Variants in FAM107A observed in about 807,000 individuals in gnomAD.
FAM107A encodes the protein family with sequence similarity 107 member A.
FAM107A carries 19 observed loss-of-function variants against 13.7 expected under a neutral mutation model. The ratio of observed to expected loss-of-function variants is 1.38; its 90% CI spans 0.97 to 2.03. FAM107A has a LOEUF of 2.03. Among genes scored for constraint, FAM107A ranks in the 30% most tolerant of loss-of-function variants. FAM107A has a pLI of 0.00. For synonymous variants in FAM107A, 82 were observed against 74.5 expected, an observed-to-expected ratio of 1.10 and a Z score of -0.52; for missense variants, 203 against 184.4, an observed-to-expected ratio of 1.10 and a Z score of -0.58.
exon 1 of FAM107A, chr3:58,587,071 G>C: frequency 2.9e-6 from 4 of 1,362,142 alleles, no homozygotes; most frequent in Non-Finnish European, 3.8e-6. Context: ...GTCAAGTTAC[G>C]GCGGCGGCCG....
intron 1 of FAM107A, among the ~76,000 whole-genome samples, chr3:58,622,302 G>A (rs2065963853): frequency 6.6e-6 from 1 of 152,142 alleles, no homozygotes; most frequent in African/African-American, 2.4e-5. Context: ...TTAGCTGGGC[G>A]TGGTGATGCA....
At chr3:58,575,123 C>A (rs1031091572) in intron 1 of FAM107A, among the ~76,000 whole-genome samples, 1 of 152,132 alleles carries the variant, frequency 6.6e-6, no homozygotes, top group Non-Finnish European at 1.5e-5. Flanking sequence ...TTTCTGTCTT[C>A]GATGGCATCA....
At chr3:58,605,690 A>G (rs2108073888) in intron 1 of FAM107A, among the ~76,000 whole-genome samples, 1 of 152,272 alleles carries the variant, frequency 6.6e-6, no homozygotes, top group Non-Finnish European at 1.5e-5. Flanking sequence ...GTCCTCTATC[A>G]TGGCTGGAAG....
chr3:58,567,012 G>A, intron 3 of FAM107A, 196 bp downstream of exon 3: 1 of 651,078 alleles, frequency 1.5e-6, no homozygotes, highest in African/African-American at 1.8e-5. Flanking sequence ...AGGAAGCTGA[G>A]GTTCAGGGAA....
intron 1 of FAM107A, among the ~76,000 whole-genome samples, chr3:58,571,384 T>C (rs1159940345): frequency 1.3e-5 from 2 of 152,230 alleles, no homozygotes; most frequent in East Asian, 3.8e-4. Flanking sequence ...ATAGACATGT[T>C]AATTTTTTTC....
upstream of FAM107A, among the ~76,000 whole-genome samples, chr3:58,580,464 G>A (rs967939241): frequency 1.5e-5 from 2 of 134,062 alleles, no homozygotes; most frequent in Non-Finnish European, 3.1e-5. Flanking sequence ...TACCTAGGCT[G>A]AATGCAGTGG....
intron 1 of FAM107A, among the ~76,000 whole-genome samples, chr3:58,601,199 A>G (rs1168916062): frequency 1.3e-5 from 2 of 152,230 alleles, no homozygotes; most frequent in Admixed American, 1.3e-4. Flanking sequence ...TTAAATTATT[A>G]TTCACAGTTA....
At chr3:58,585,152 C>T (rs569312770) in intron 1 of FAM107A, among the ~76,000 whole-genome samples, 12 of 152,286 alleles carry the variant, frequency 7.9e-5, no homozygotes, top group African/African-American at 2.6e-4. Context: ...GGAAACACTC[C>T]TACGTGTTTG....
intron 1 of FAM107A, among the ~76,000 whole-genome samples, chr3:58,608,466 T>C (rs1028020831): frequency 1.3e-5 from 2 of 152,160 alleles, no homozygotes; most frequent in South Asian, 4.1e-4. Context: ...TCCTTATCTA[T>C]GGAATAACAA....
upstream of FAM107A, among the ~76,000 whole-genome samples, chr3:58,588,916 C>T (rs893103934): frequency 4.6e-5 from 7 of 152,162 alleles, no homozygotes; most frequent in South Asian, 1.5e-3. Flanking sequence ...TCTCAAAGTG[C>T]TGGGATTACA....
chr3:58,585,143 G>A (rs911850758), intron 1 of FAM107A, among the ~76,000 whole-genome samples: 1 of 152,148 alleles, frequency 6.6e-6, no homozygotes, highest in Non-Finnish European at 1.5e-5. Context: ...GCAGCCCCTG[G>A]AAACACTCCT....
At chr3:58,571,295 C>T (rs1027663840) in intron 1 of FAM107A, among the ~76,000 whole-genome samples, 15 of 152,104 alleles carry the variant, frequency 9.9e-5, no homozygotes, top group African/African-American at 2.2e-4. Flanking sequence ...AGACCACATA[C>T]GTAAAGGTGC....
upstream of FAM107A, among the ~76,000 whole-genome samples, chr3:58,589,678 T>C (rs1380055540): frequency 1.3e-5 from 2 of 152,178 alleles, no homozygotes; most frequent in African/African-American, 2.4e-5. Context: ...TATTGATGCA[T>C]TATTACTAAC....
chr3:58,624,423 A>G (rs1011186412), intron 1 of FAM107A, among the ~76,000 whole-genome samples: 2 of 152,180 alleles, frequency 1.3e-5, no homozygotes, highest in Non-Finnish European at 2.9e-5. Flanking sequence ...CTCCTGGCCC[A>G]GTGGTCTATC....
At chr3:58,587,438 A>G (rs1293929286), upstream of FAM107A, among the ~76,000 whole-genome samples, 3 of 151,332 alleles carry the variant, frequency 2.0e-5, no homozygotes, top group Non-Finnish European at 4.4e-5. Context: ...TAACCAGAGT[A>G]CTTTCCTCAC....
At chr3:58,626,854 G>A in intron 1 of FAM107A, 1 of 951,818 alleles carries the variant, frequency 1.1e-6, no homozygotes, top group East Asian at 2.6e-5. Context: ...TCCAGGGGGA[G>A]GGCTGGTGGG....
At chr3:58,567,678 G>T (rs1017295618) in intron 2 of FAM107A, among the ~76,000 whole-genome samples, 2 of 152,188 alleles carry the variant, frequency 1.3e-5, no homozygotes, top group Non-Finnish European at 2.9e-5. Flanking sequence ...AGGTAGAATT[G>T]CTGGGTCAGG....
intron 1 of FAM107A, among the ~76,000 whole-genome samples, chr3:58,614,501 T>C (rs1559486939): frequency 6.9e-6 from 1 of 144,884 alleles, no homozygotes; most frequent in Non-Finnish European, 1.5e-5. Context: ...TATCTTTCTT[T>C]CTTTCTTTTT....
upstream of FAM107A, among the ~76,000 whole-genome samples, chr3:58,577,939 C>T (rs75155038): frequency 0.011 from 1,715 of 152,284 alleles, 28 homozygotes; most frequent in African/African-American, 0.038. This position sits in a 1 kb window ranked among gnomAD's most constrained non-coding sequence, Gnocchi z 4.9. Flanking sequence ...GAGGAGCCAA[C>T]GGAAGAGCGT....
Sources: gnomAD v4.1 joint callset for allele counts (sites outside exome capture counted in the v4.1 genomes callset) on GRCh38, gnomAD v4.1.1 for gene constraint, Gnocchi (gnomAD v3.1) non-coding constraint, MANE v1.5 for transcripts, NCBI Gene and HGNC (gene_info 2026-07-23, HGNC 2026-07-21) for gene names.